Variants in CENPE observed in about 807,000 individuals in gnomAD.
The protein encoded by CENPE is centromere protein E.
A neutral mutation model predicts 336.1 loss-of-function variants in CENPE; 145 were observed. The ratio of observed to expected loss-of-function variants is 0.43; its 90% confidence interval spans 0.38 to 0.50. CENPE has a LOEUF of 0.50. Among genes scored for constraint, CENPE ranks in the 20% least tolerant of loss-of-function variants. The pLI is 0.00. For missense variants in CENPE, 2,719 were observed against 3,023.3 expected (o/e 0.90, Z 2.36); for synonymous variants, 1,013 against 984.8 (o/e 1.03, Z -0.54).
intron 18 of CENPE, among the ~76,000 whole-genome samples, chr4:103,162,377 C>T (rs1031044772): frequency 2.0e-5 from 3 of 151,680 alleles, no homozygotes; most frequent in Non-Finnish European, 2.9e-5. Context: ...ATACTGAAAG[C>T]AAACTGAAGC....
chr4:103,185,159 G>A (rs764294326), intron 9 of CENPE, among the ~76,000 whole-genome samples: 1 of 152,066 alleles, frequency 6.6e-6, no homozygotes, highest in Non-Finnish European at 1.5e-5. Context: ...ACAAAAATTA[G>A]CTGGGCGTGA....
intron 28 of CENPE, among the ~76,000 whole-genome samples, chr4:103,147,984 G>A (rs976175151): frequency 1.3e-5 from 2 of 152,076 alleles, no homozygotes; most frequent in East Asian, 3.9e-4. Context: ...GTGAGCCACC[G>A]CATCCCACTG....
rs1207490932 is a variant in CENPE at position 103,190,724 on chromosome 4, T to C, written c.693+3505A>G. Among the ~76,000 whole-genome samples, 4 of 152,242 alleles carry C rather than the reference T, an allele frequency of 2.6e-5. No individual in the cohort carries two copies. In the South Asian group the frequency reaches 6.2e-4, roughly 24 times the overall value. On this transcript the variant is annotated intron_variant, in intron 8 of 48. Coordinates refer to ENST00000265148, the MANE Select transcript of CENPE (RefSeq NM_001813.3). The stretch of plus-strand genomic sequence containing the variant: ...AACCTAGGCAATACCATTCAGGACA[T>C]AGGCATGGGCAAGGACTTCATGTCT...
At chr4:103,194,769 T>C in intron 5 of CENPE, 85 bp from the exon 6 acceptor site, 1 of 995,742 alleles carries the variant, frequency 1.0e-6, no homozygotes, top group East Asian at 2.6e-5. Flanking sequence ...TATTATAGAA[T>C]TCATTTGTGA....
Position 103,163,179 on chromosome 4 carries a change from A to G in CENPE, c.1800T>C (p.Ser600=). ...CCATTTTTATATTTTCTAGCTTTTGAGAGTCTATGTATTCCTGTAGCTTCT... is the reference window on the plus strand; with the variant it reads ...CCATTTTTATATTTTCTAGCTTTTGGGAGTCTATGTATTCCTGTAGCTTCT... The part of the protein sequence containing the change: ...QIKKLQEYID[S]QKLENIKMDL... Residue 600 remains serine, a synonymous_variant, in exon 18 of 49, where the codon TCT becomes TCC. Coordinates refer to ENST00000265148, the MANE Select transcript of CENPE (RefSeq NM_001813.3). 1.2e-6 allele frequency: 2 copies of G among 1,609,724 alleles called. No homozygotes were observed. Among genetic ancestry groups the G allele is most frequent in the Non-Finnish European group, 1.7e-6 (2 of 1,177,410 alleles).
At chr4:103,114,045 C>T (rs1463161136) in intron 46 of CENPE, among the ~76,000 whole-genome samples, 1 of 151,996 alleles carries the variant, frequency 6.6e-6, no homozygotes, top group Non-Finnish European at 1.5e-5. Flanking sequence ...CAAGAACAAA[C>T]AGAATAGTAT....
At chr4:103,123,461 A>T (rs1251036947) in intron 42 of CENPE, among the ~76,000 whole-genome samples, 2 of 152,190 alleles carry the variant, frequency 1.3e-5, no homozygotes, top group African/African-American at 4.8e-5. Flanking sequence ...AATGCTGGCA[A>T]TTTAGATATG....
intron 8 of CENPE, among the ~76,000 whole-genome samples, chr4:103,191,580 T>C (rs993679791): frequency 1.5e-5 from 2 of 136,562 alleles, no homozygotes. Context: ...TTCTCACTCA[T>C]AGGTTGGAAC....
At chr4:103,196,635 G>C in intron 2 of CENPE, 124 bp downstream of exon 2, 1 of 615,958 alleles carries the variant, frequency 1.6e-6, no homozygotes, top group South Asian at 2.1e-5. Flanking sequence ...TTTGTTTCCA[G>C]TGAAGCAGTT....
Position 103,174,811 on chromosome 4 carries a change from C to A in CENPE, c.1572G>T (p.Met524Ile), listed in dbSNP as rs1472280905. 1 of 1,550,090 alleles carries A rather than the reference C, an allele frequency of 6.5e-7. No homozygotes were observed. The part of the protein sequence containing the change: ...YEQLRTEKEE[M>I]ELKLKEKNDL... ...CATTCTTTTCTTTTAATTTCAATTC[C>A]ATTTCTTCTTTTTCTGTTCGTAGTT... The change falls in exon 16 of 49, where the codon ATG (methionine) becomes ATT (isoleucine). Residue 524 changes from methionine to isoleucine, a missense_variant. This residue lies in a region of CENPE where 2,437 missense variants were observed against 2,513.3 expected (regional missense o/e 0.97). Coordinates refer to ENST00000265148, the MANE Select transcript of CENPE (RefSeq NM_001813.3).
intron 34 of CENPE, among the ~76,000 whole-genome samples, chr4:103,142,866 G>T (rs1349394047): frequency 2.0e-5 from 3 of 151,878 alleles, no homozygotes; most frequent in African/African-American, 7.3e-5. Flanking sequence ...AAATTAGCTG[G>T]GTGTGATGAC....
chr4:103,187,596 G>C (rs1316659803), intron 8 of CENPE, among the ~76,000 whole-genome samples: 1 of 152,142 alleles, frequency 6.6e-6, no homozygotes, highest in Non-Finnish European at 1.5e-5. Context: ...ACAAGCAAAT[G>C]CTGAGAGATT....
intron 47 of CENPE, among the ~76,000 whole-genome samples, chr4:103,110,343 A>T (rs540431089): frequency 6.6e-6 from 1 of 152,248 alleles, no homozygotes; most frequent in South Asian, 2.1e-4. Context: ...CTTTTTTAAT[A>T]GCACTCATGG....
intron 17 of CENPE, 107 bp from the exon 18 acceptor site, chr4:103,163,363 T>C (rs1754621784): frequency 2.4e-6 from 3 of 1,270,490 alleles, no homozygotes; most frequent in African/African-American, 3.0e-5. Flanking sequence ...AAATTCAAAG[T>C]CACTAATATT....
chr4:103,158,433 C>T lies in CENPE; in HGVS notation c.2900G>A (p.Arg967Gln), dbSNP rs201196207. 7.9e-4 allele frequency: 1,260 copies of T among 1,590,768 alleles called. 1 individual carries two copies. Among genetic ancestry groups the T allele is most frequent in the Admixed American group, 1.3e-3 (75 of 57,120 alleles). Residue 967 changes from arginine to glutamine, a missense_variant, in exon 24 of 49, where the codon CGA becomes CAA. This residue lies in a region of CENPE where 2,437 missense variants were observed against 2,513.3 expected (regional missense o/e 0.97). Coordinates refer to ENST00000265148, the MANE Select transcript of CENPE (RefSeq NM_001813.3). ...NMNIDTQEQL[R>Q]NALESLKQHQ... is the part of the protein sequence containing the mutation. ...TTGTTTCAGAGACTCAAGAGCATTT[C>T]GTAATTGTTCTTGAGTATCTATATT...
In CENPE at chr4:103,140,041, T is replaced by C. The variant is rs1578589181; in HGVS notation, c.5952A>G (p.Arg1984=). The change falls in exon 38 of 49, where the codon AGA becomes AGG. Residue 1984 remains arginine, a synonymous_variant. Coordinates refer to ENST00000265148, the MANE Select transcript of CENPE (RefSeq NM_001813.3). ...GACTCATATTGACATCTTCTTTCACTCTAAGCAGTTGAAGTTCTTTTTTCT... is the reference window on the plus strand; with the variant it reads ...GACTCATATTGACATCTTCTTTCACCCTAAGCAGTTGAAGTTCTTTTTTCT... ...ELQKKELQLL[R]VKEDVNMSHK... 6.2e-6 allele frequency: 10 copies of C among 1,610,182 alleles called. No homozygotes were observed. The East Asian group carries it at 2.2e-4, about 36-fold the overall frequency.
intron 24 of CENPE, among the ~76,000 whole-genome samples, chr4:103,155,059 A>T (rs941303698): frequency 6.6e-6 from 1 of 152,096 alleles, no homozygotes; most frequent in Admixed American, 6.6e-5. Flanking sequence ...AGACTTTAGG[A>T]TCCCTGGTGA....
intron 18 of CENPE, among the ~76,000 whole-genome samples, 195 bp downstream of exon 18, chr4:103,162,942 T>C (rs573799400): frequency 1.3e-5 from 2 of 152,254 alleles, no homozygotes; most frequent in Non-Finnish European, 2.9e-5. Flanking sequence ...TTTCCACAAA[T>C]GTGACTTTAT....
At chr4:103,174,206 A>AATATGG (rs1237100928) in intron 16 of CENPE, among the ~76,000 whole-genome samples, 1 of 151,948 alleles carries the variant, frequency 6.6e-6, no homozygotes, top group African/African-American at 2.4e-5. Context: ...CATTTGCAAC[A>AATATGG]ATATGGATGA....
Sources: gnomAD v4.1 joint callset for allele counts (sites outside exome capture counted in the v4.1 genomes callset) on GRCh38, gnomAD v4.1.1 for gene constraint, gnomAD v4.1.1 regional missense constraint, MANE v1.5 for transcripts, NCBI Gene and HGNC (gene_info 2026-07-23, HGNC 2026-07-21) for gene names.